Variants in CSMD3 observed in about 807,000 individuals in gnomAD.
The protein encoded by CSMD3 is CUB and sushi domain-containing protein 3.
In CSMD3, 177 loss-of-function variants were observed where a neutral mutation model predicts 435.2. The ratio of observed to expected loss-of-function variants is 0.41; its 90% CI spans 0.36 to 0.46. The LOEUF is 0.46. Among genes scored for constraint, CSMD3 ranks in the 20% least tolerant of loss-of-function variants. CSMD3 has a pLI of 0.34. For synonymous variants in CSMD3, 1,656 were observed against 1,520.5 expected, an observed-to-expected ratio of 1.09 and a Z score of -2.07; for missense variants, 4,265 against 4,504.6, an observed-to-expected ratio of 0.95 and a Z score of 1.52.
intron 6 of CSMD3, among the ~76,000 whole-genome samples, chr8:112,986,115 T>C (rs2085245672): frequency 6.6e-6 from 1 of 152,172 alleles, no homozygotes; most frequent in South Asian, 2.1e-4. Flanking sequence ...ATAGAGTTGC[T>C]AGATTTAGCA....
intron 5 of CSMD3, among the ~76,000 whole-genome samples, chr8:113,062,117 A>G (rs2088641902): frequency 1.3e-5 from 2 of 151,826 alleles, no homozygotes; most frequent in Non-Finnish European, 3.0e-5. Flanking sequence ...TTTTAAAGAT[A>G]TCTTGTCCAC....
intron 6 of CSMD3, among the ~76,000 whole-genome samples, chr8:113,007,912 C>G (rs1488618241): frequency 6.6e-6 from 1 of 151,630 alleles, no homozygotes; most frequent in Admixed American, 6.6e-5. Context: ...TAGACTTATG[C>G]TAGATAGTAT....
chr8:112,877,666 A>G (rs1353845574), intron 10 of CSMD3, among the ~76,000 whole-genome samples: 1 of 152,190 alleles, frequency 6.6e-6, no homozygotes, highest in African/African-American at 2.4e-5. Flanking sequence ...ACTTCAAACT[A>G]TAACTACAAG....
At chr8:112,861,394 A>G (rs2080823155) in intron 10 of CSMD3, among the ~76,000 whole-genome samples, 1 of 151,940 alleles carries the variant, frequency 6.6e-6, no homozygotes, top group African/African-American at 2.4e-5. Flanking sequence ...TTTATTTTCT[A>G]GTACAATGAC....
intron 13 of CSMD3, among the ~76,000 whole-genome samples, chr8:112,773,825 T>C (rs80180445): frequency 6.6e-6 from 1 of 152,084 alleles, no homozygotes; most frequent in African/African-American, 2.4e-5. Flanking sequence ...GAAAAGTATA[T>C]AAATATTATA....
intron 27 of CSMD3, among the ~76,000 whole-genome samples, chr8:112,525,786 A>G (rs369632779): frequency 0.018 from 2,526 of 137,652 alleles, 33 homozygotes; most frequent in South Asian, 0.061. Flanking sequence ...ATGTGTGTGT[A>G]TATATATATG....
At chr8:112,532,767 C>T (rs1825661492) in intron 27 of CSMD3, among the ~76,000 whole-genome samples, 1 of 152,002 alleles carries the variant, frequency 6.6e-6, no homozygotes, top group African/African-American at 2.4e-5. Context: ...ATAAAACTCA[C>T]TGGTAAAATT....
At chr8:113,008,907 T>G (rs2086155606) in intron 6 of CSMD3, among the ~76,000 whole-genome samples, 1 of 151,392 alleles carries the variant, frequency 6.6e-6, no homozygotes, top group African/African-American at 2.4e-5. Flanking sequence ...CAATGTTCAA[T>G]ATGAGATGTG....
At chr8:112,869,440 T>A (rs1486442540) in intron 10 of CSMD3, among the ~76,000 whole-genome samples, 1 of 152,168 alleles carries the variant, frequency 6.6e-6, no homozygotes, top group Non-Finnish European at 1.5e-5. Context: ...TGAAAACAAA[T>A]ACAATCTCAT....
chr8:112,715,169 C>T (rs1317601612), intron 13 of CSMD3, among the ~76,000 whole-genome samples: 1 of 151,896 alleles, frequency 6.6e-6, no homozygotes, highest in Admixed American at 6.6e-5. Flanking sequence ...AATAGATAGA[C>T]CACTAGCTAC....
chr8:112,734,607 A>C (rs1486218951), intron 13 of CSMD3, among the ~76,000 whole-genome samples: 3 of 151,990 alleles, frequency 2.0e-5, no homozygotes, highest in Non-Finnish European at 4.4e-5. Context: ...GGAAATATTG[A>C]AAATAAGAAG....
chr8:113,280,306 G>T (rs969215318), intron 2 of CSMD3, among the ~76,000 whole-genome samples: 2 of 151,424 alleles, frequency 1.3e-5, no homozygotes, highest in Admixed American at 1.3e-4. Flanking sequence ...ACTTTTTTTC[G>T]TTGCTAATTT....
At position 112,804,758 on chromosome 8, in the gene CSMD3, G is replaced by A. The variant is rs111541130; in HGVS notation, c.1860-4484C>T. On this transcript the variant is annotated intron_variant, in intron 12 of 70. Coordinates refer to ENST00000297405, the MANE Select transcript of CSMD3 (RefSeq NM_198123.2). ...CGGCTCACTGCAACCTCCAACTCCCGGGTTCAAGCAATTATCCTGCCTCAG... is the reference window on the plus strand; with the variant it reads ...CGGCTCACTGCAACCTCCAACTCCCAGGTTCAAGCAATTATCCTGCCTCAG... 4.4e-3 allele frequency among the ~76,000 whole-genome samples: 674 copies of A among 151,688 alleles called. 8 individuals are homozygous for A. Among genetic ancestry groups the A allele is most frequent in the African/African-American group, 0.014 (597 of 41,368 alleles).
intron 30 of CSMD3, among the ~76,000 whole-genome samples, chr8:112,493,841 G>T (rs888052710): frequency 6.6e-6 from 1 of 151,990 alleles, no homozygotes; most frequent in Non-Finnish European, 1.5e-5. Context: ...GATTACTTAA[G>T]AAATAATAAA....
chr8:113,353,314 T>TA (rs2094201854), intron 1 of CSMD3, among the ~76,000 whole-genome samples: 2 of 149,798 alleles, frequency 1.3e-5, no homozygotes, highest in African/African-American at 4.9e-5. Flanking sequence ...TCATATTTTT[T>TA]TAAAAAATTT....
chr8:112,589,399 A>T (rs1490490219), intron 22 of CSMD3, among the ~76,000 whole-genome samples: 1 of 152,182 alleles, frequency 6.6e-6, no homozygotes, highest in African/African-American at 2.4e-5. Context: ...ACCACCCATA[A>T]GGAAAATTAC....
intron 45 of CSMD3, among the ~76,000 whole-genome samples, chr8:112,332,266 G>A (rs938104663): frequency 1.3e-5 from 2 of 151,738 alleles, no homozygotes; most frequent in African/African-American, 4.8e-5. Flanking sequence ...AATCATAGAA[G>A]TGATGGCAGT....
intron 3 of CSMD3, among the ~76,000 whole-genome samples, chr8:113,252,103 C>G (rs552850521): frequency 6.6e-6 from 1 of 152,110 alleles, no homozygotes; most frequent in African/African-American, 2.4e-5. Context: ...AAAATCTGTT[C>G]ATCTTTCTAG....
At chr8:112,420,850 G>A (rs560153383) in intron 32 of CSMD3, among the ~76,000 whole-genome samples, 79 of 152,094 alleles carry the variant, frequency 5.2e-4, no homozygotes, top group African/African-American at 1.9e-3. Flanking sequence ...TTTATGTGTG[G>A]GACTTTGACA....
Sources: gnomAD v4.1 joint callset for allele counts (sites outside exome capture counted in the v4.1 genomes callset) on GRCh38, gnomAD v4.1.1 for gene constraint, MANE v1.5 for transcripts, NCBI Gene and HGNC (gene_info 2026-07-23, HGNC 2026-07-21) for gene names.